Variants in MBOAT7 observed in about 807,000 individuals in gnomAD.
MBOAT7 encodes membrane-bound acylglycerophosphatidylinositol O-acyltransferase MBOAT7.
In MBOAT7, 40 loss-of-function variants were observed where a neutral mutation model predicts 47.4. The observed-to-expected ratio is 0.84, with a 90% confidence interval of 0.66 to 1.10. The LOEUF (loss-of-function observed/expected upper bound fraction) is 1.10, where lower values mean the gene tolerates loss of function less well. MBOAT7 is among the 50% of genes least tolerant of loss of function. The pLI, the probability that MBOAT7 is intolerant of heterozygous loss-of-function variation, is 0.00. For missense variants in MBOAT7, 680 were observed against 655.6 expected, an observed-to-expected ratio of 1.04 and a Z score of -0.41; for synonymous variants, 361 against 292.0, an observed-to-expected ratio of 1.24 and a Z score of -2.41.
chr19:54,183,533 C>T lies in MBOAT7; in HGVS notation c.481G>A (p.Gly161Arg). 2 of 1,608,098 alleles carry T rather than the reference C, an allele frequency of 1.2e-6. No homozygotes were observed. Among genetic ancestry groups the T allele is most frequent in the South Asian group, 1.1e-5 (1 of 89,872 alleles). Residue 161 changes from glycine to arginine, a missense_variant, in exon 5 of 8, where the codon GGA becomes AGA. Coordinates refer to ENST00000245615, the MANE Select transcript of MBOAT7 (RefSeq NM_024298.5). ...CAGCCCCACTCACCTGTCATGATTCCCACGTAGCAGTAGCTGTAGCTGAGT... is the reference window on the plus strand; with the variant it reads ...CAGCCCCACTCACCTGTCATGATTCTCACGTAGCAGTAGCTGTAGCTGAGT... ...ETLSYSYCYVGIMTGPFFRYR... is the reference protein window; with the variant it reads ...ETLSYSYCYVRIMTGPFFRYR...
At chr19:54,177,388 C>T (rs928255706) in intron 7 of MBOAT7, among the ~76,000 whole-genome samples, 6 of 151,466 alleles carry the variant, frequency 4.0e-5, no homozygotes, top group Admixed American at 2.6e-4. Flanking sequence ...CTCCGTCTCC[C>T]GGGTTCACAC....
chr19:54,173,958 A>T lies in MBOAT7; in HGVS notation c.*86T>A. 1 of 1,437,134 alleles carries T rather than the reference A, an allele frequency of 7.0e-7. No individual in the cohort carries two copies. The highest frequency in any genetic ancestry group is 2.5e-5 in the East Asian group (1 of 40,144). 89.0% of individuals were successfully genotyped at this position (1,437,134 alleles called of 1,614,324 possible). A position where few individuals can be genotyped will look rare whatever the true frequency, so the allele number is the denominator to read the frequency against. On this transcript the variant is annotated 3_prime_UTR_variant, in exon 8 of 8. Transcript: ENST00000245615. ...GGAAATTCTCTCCAGGACCCTCTCC[A>T]AGGTAAGGACTCTTTCTGGGGAGGA...
chr19:54,177,900 G>GTTTT (rs761565984), intron 7 of MBOAT7, among the ~76,000 whole-genome samples: 3,626 of 75,658 alleles, frequency 0.048, 1,001 homozygotes, highest in Middle Eastern at 0.075. Flanking sequence ...TTCTACTTCT[G>GTTTT]TTTTTTTTTT....
intron 3 of MBOAT7, among the ~76,000 whole-genome samples, chr19:54,187,605 T>G (rs547747524): frequency 2.0e-5 from 3 of 152,252 alleles, no homozygotes; most frequent in African/African-American, 7.2e-5. Flanking sequence ...GAGGTGGATA[T>G]GAATGAATAT....
At chr19:54,187,774 T>C (rs2076470896) in intron 3 of MBOAT7, among the ~76,000 whole-genome samples, 1 of 151,998 alleles carries the variant, frequency 6.6e-6, no homozygotes, top group South Asian at 2.1e-4. Flanking sequence ...TCCCAGCACT[T>C]TGGAAGGCTG....
Position 54,173,855 on chromosome 19 carries a change from G to T in MBOAT7, c.*189C>A. ...AATACTTTGATTTTGTAGGAGTGGA[G>T]GTGGCCTCTGGGCAGAGGGCAGGGA... On this transcript the variant is annotated 3_prime_UTR_variant, in exon 8 of 8. Coordinates refer to ENST00000245615, the MANE Select transcript of MBOAT7 (RefSeq NM_024298.5). 1.7e-6 allele frequency: 1 copy of T among 598,098 alleles called. No individual in the cohort carries two copies. Among genetic ancestry groups the T allele is most frequent in the Non-Finnish European group, 2.8e-6 (1 of 359,440 alleles). 37.0% of individuals were successfully genotyped at this position (598,098 alleles called of 1,614,324 possible).
In MBOAT7 at chr19:54,182,017, A is replaced by C. The variant is rs1233422470; in HGVS notation, c.494-884T>G. Among the ~76,000 whole-genome samples the C allele has an allele frequency of 1.4e-4, 12 of 84,542 alleles. 1 individual carries two copies. The South Asian group carries it at 5.3e-3, about 38-fold the overall frequency. The allele number at this position is 84,542 out of a possible 152,430, so 55.5% of individuals were successfully genotyped here. ...AGGGAGGGAGGGAAGGAGGGAAGGA[A>C]GGAGGGAGGGAAGGAAGGAGGGAAG... On this transcript the variant is annotated intron_variant, in intron 5 of 7. Transcript: ENST00000245615.
Position 54,183,691 on chromosome 19 carries a change from G to A in MBOAT7, c.334-11C>T. On this transcript the variant is annotated splice_polypyrimidine_tract_variant and intron_variant, in intron 4 of 7. Coordinates refer to ENST00000245615, the MANE Select transcript of MBOAT7 (RefSeq NM_024298.5). ...GGCCAGGCTCACCAGCTGGGCAGAA[G>A]GGGGTGGGCAAGGGGCCAGGTCAGA... is the stretch of plus-strand genomic sequence containing the variant. 1 of 1,538,716 alleles carries A rather than the reference G, an allele frequency of 6.5e-7. No individual in the cohort carries two copies. Among genetic ancestry groups the A allele is most frequent in the Non-Finnish European group, 8.7e-7 (1 of 1,143,598 alleles).
At chr19:54,181,717 G>GGGAA (rs1196846834) in intron 5 of MBOAT7, among the ~76,000 whole-genome samples, 4 of 59,530 alleles carry the variant, frequency 6.7e-5, no homozygotes, top group African/African-American at 2.9e-4. Flanking sequence ...GAAGAAGGGA[G>GGGAA]GGAAGGAGGG....
chr19:54,183,741 C>A, intron 4 of MBOAT7, 61 bp from the exon 5 acceptor site: 1 of 1,450,044 alleles, frequency 6.9e-7, no homozygotes, highest in Non-Finnish European at 9.1e-7. Flanking sequence ...CCACACCCAT[C>A]TCCCTTGCGC....
chr19:54,187,841 C>T (rs1422555353), intron 3 of MBOAT7, among the ~76,000 whole-genome samples: 1 of 152,034 alleles, frequency 6.6e-6, no homozygotes, highest in East Asian at 1.9e-4. Context: ...CATGGAGAAA[C>T]CCCAGCTCTA....
chr19:54,175,021 G>C (rs1450007187), intron 7 of MBOAT7, among the ~76,000 whole-genome samples: 1 of 147,000 alleles, frequency 6.8e-6, no homozygotes, highest in African/African-American at 2.5e-5. Flanking sequence ...TGTCGCCCAG[G>C]CTAGAGTGCA....
At chr19:54,182,993 G>A (rs865934015) in intron 5 of MBOAT7, among the ~76,000 whole-genome samples, 5 of 70,350 alleles carry the variant, frequency 7.1e-5, no homozygotes, top group Middle Eastern at 0.013. Context: ...GAGCCACTGC[G>A]CCCGGCCCTT....
At position 54,187,166 on chromosome 19, in the gene MBOAT7, G is replaced by C. The variant is rs1461471983; in HGVS notation, c.328C>G (p.Leu110Val). 2 of 1,566,526 alleles carry C rather than the reference G, an allele frequency of 1.3e-6. No individual in the cohort carries two copies. The highest frequency in any genetic ancestry group is 1.7e-6 in the Non-Finnish European group (2 of 1,158,564). The change falls in exon 4 of 8, where the codon CTG becomes GTG. Residue 110 changes from leucine to valine, a missense_variant. Physicochemically the swap from Leu to Val is conservative, Grantham distance 32. Coordinates refer to ENST00000245615, the MANE Select transcript of MBOAT7 (RefSeq NM_024298.5). Reference protein sequence around the residue: ...FTNAVQLLLTLKLVSLASEVQ... With the variant: ...FTNAVQLLLTVKLVSLASEVQ... ...TGGCAAGCCCCGAGTCTGACCTTCA[G>C]CGTCAGCAGCAGCTGGACGGCATTG...
chr19:54,174,302 C>T lies in MBOAT7; in HGVS notation c.1161G>A (p.Leu387=), dbSNP rs150838100. Residue 387 remains leucine (L), a synonymous_variant, in exon 8 of 8, where the codon CTG becomes CTA. Coordinates refer to ENST00000245615, the MANE Select transcript of MBOAT7 (RefSeq NM_024298.5). ...GRLESALRGR[L]SPGGQKAWDW... ...CCCAGGCCTTCTGGCCCCCTGGGCT[C>T]AGCCGCCCCCGCAGGGCTGACTCCA... is the stretch of plus-strand genomic sequence containing the variant. 101 of 1,613,114 alleles carry T rather than the reference C, an allele frequency of 6.3e-5. No individual in the cohort carries two copies. The highest frequency in any genetic ancestry group is 1.0e-4 in the Admixed American group (6 of 59,900).
intron 7 of MBOAT7, among the ~76,000 whole-genome samples, chr19:54,175,078 C>T (rs978451893): frequency 2.6e-5 from 4 of 151,790 alleles, no homozygotes; most frequent in South Asian, 2.1e-4. Flanking sequence ...CAGGTTCACG[C>T]CATTCTCCTG....
At position 54,188,876 on chromosome 19, in the gene MBOAT7, T is replaced by A. The variant is rs187948603; in HGVS notation, c.-3-365A>T. ...CCCAGATTTGAAGACGCCCCTCTTT[T>A]AAAAACCCAGAAACGGCACCCCTCC... is the stretch of plus-strand genomic sequence containing the variant. On this transcript the variant is annotated intron_variant, in intron 1 of 7. Coordinates refer to ENST00000245615, the MANE Select transcript of MBOAT7 (RefSeq NM_024298.5). 5.0e-3 allele frequency among the ~76,000 whole-genome samples: 758 copies of A among 151,860 alleles called. 2 individuals carry two copies. Among genetic ancestry groups the A allele is most frequent in the African/African-American group, 0.014 (595 of 41,376 alleles).
chr19:54,178,615 T>C, intron 7 of MBOAT7, 150 bp downstream of exon 7: 1 of 1,430,014 alleles, frequency 7.0e-7, no homozygotes, highest in Non-Finnish European at 9.1e-7. Context: ...GCCACTATAA[T>C]TAGAGGCAGG....
At chr19:54,175,694 C>T (rs539068220) in intron 7 of MBOAT7, among the ~76,000 whole-genome samples, 1 of 152,174 alleles carries the variant, frequency 6.6e-6, no homozygotes, top group East Asian at 1.9e-4. Flanking sequence ...GGATTACAGG[C>T]AAGCGCCACC....
Sources: allele counts gnomAD v4.1 joint callset (sites outside exome capture counted in the v4.1 genomes callset), GRCh38; gene constraint gnomAD v4.1.1; transcripts MANE v1.5; gene names NCBI Gene and HGNC (gene_info 2026-07-23, HGNC 2026-07-21).